Variants in RNPEPL1 observed in about 807,000 individuals in gnomAD.
RNPEPL1 encodes the protein arginyl aminopeptidase like 1, also known as aminopeptidase RNPEPL1.
Under a neutral mutation model 69.0 loss-of-function variants are expected in RNPEPL1, and 46 were observed. That is an observed-to-expected ratio of 0.67 (90% CI 0.53 to 0.85). RNPEPL1 has a LOEUF of 0.85. RNPEPL1 is among the 40% of genes least tolerant of loss of function. The probability of loss-of-function intolerance (pLI) is 0.00; values close to 1 mark genes in which losing one functional copy is unlikely to be tolerated. For synonymous variants in RNPEPL1, 525 were observed against 454.1 expected, an observed-to-expected ratio of 1.16 and a Z score of -1.98; for missense variants, 869 against 992.5, an observed-to-expected ratio of 0.88 and a Z score of 1.67.
chr2:240,568,626 G>C lies in RNPEPL1; in HGVS notation c.40G>C (p.Glu14Gln). ...CTGCTGCCGCCAGGCGCCCGGCGCC[G>C]AGGCCGCGCCCGTCCGCCCGCCGCC... ...QCCCRQAPGA[E>Q]AAPVRPPPEP... The change falls in exon 1 of 11, where the codon GAG becomes CAG. Residue 14 changes from glutamate to glutamine, a missense_variant. By Grantham distance (29) the Glu-to-Gln change is conservative. Around this residue, in one of 2 missense-constraint regions of RNPEPL1, gnomAD observed 259 missense variants for 201.5 expected, o/e 1.29. Transcript: ENST00000270357. The surrounding 1 kb of genome is among the most constrained non-coding windows in gnomAD (Gnocchi z 6.2). 1 of 996,134 alleles carries C rather than the reference G, an allele frequency of 1.0e-6. No individual in the cohort carries two copies. The allele number at this position is 996,134 out of a possible 1,614,324, so 61.7% of individuals were successfully genotyped here.
chr2:240,573,670 G>C, intron 3 of RNPEPL1, 105 bp from the exon 4 acceptor site: 2 of 974,158 alleles, frequency 2.1e-6, no homozygotes, highest in Non-Finnish European at 3.0e-6. Flanking sequence ...AGCCAGGCTG[G>C]GTGAGGTGTG....
At position 240,578,186 on chromosome 2, in the gene RNPEPL1, C is replaced by T. The variant is rs925342942; in HGVS notation, c.*294C>T. On this transcript the variant is annotated 3_prime_UTR_variant, in exon 11 of 11. Transcript: ENST00000270357. ...TGACAGCTGTGCCTAGCCCCGGATGCCAGCACCTGCCAGGTGCCGCCCCGG... is the reference window on the plus strand; with the variant it reads ...TGACAGCTGTGCCTAGCCCCGGATGTCAGCACCTGCCAGGTGCCGCCCCGG... 1 of 308,094 alleles carries T rather than the reference C, an allele frequency of 3.2e-6. No individual in the cohort carries two copies. The highest frequency in any genetic ancestry group is 5.1e-5 in the East Asian group (1 of 19,676). 19.1% of individuals were successfully genotyped at this position (308,094 alleles called of 1,614,324 possible). A position where few individuals can be genotyped will look rare whatever the true frequency, so the allele number is the denominator to read the frequency against.
At chr2:240,573,954 G>A (rs546575880) in intron 4 of RNPEPL1, 63 bp downstream of exon 4, 151 of 1,468,934 alleles carry the variant, frequency 1.0e-4, no homozygotes, top group Middle Eastern at 7.0e-4. Flanking sequence ...GGAGCCCCTC[G>A]TCTGACCCCT....
At chr2:240,573,063 G>C in intron 2 of RNPEPL1, 47 bp from the exon 3 acceptor site, 1 of 1,542,978 alleles carries the variant, frequency 6.5e-7, no homozygotes, top group South Asian at 1.2e-5. Context: ...GGGGCTATGG[G>C]TGTGCTGACG....
chr2:240,574,043 TG>T, intron 4 of RNPEPL1, 69 bp from the exon 5 acceptor site: 1 of 1,461,622 alleles, frequency 6.8e-7, no homozygotes, highest in Non-Finnish European at 9.4e-7. Context: ...GGGTGGAAGG[TG>T]GGGTGCGGGT....
chr2:240,572,716 A>G (rs1008126507), intron 2 of RNPEPL1, among the ~76,000 whole-genome samples, 153 bp downstream of exon 2: 3 of 152,078 alleles, frequency 2.0e-5, no homozygotes, highest in Non-Finnish European at 4.4e-5. Context: ...ACTCTATGGG[A>G]GGAGCCGCTT....
chr2:240,576,583 A>G lies in RNPEPL1; in HGVS notation c.1559A>G (p.Glu520Gly). ...WLNATGPPLAEPDLSQGSSLT... is the reference protein window; with the variant it reads ...WLNATGPPLAGPDLSQGSSLT... ...AATGCCACAGGCCCGCCGCTGGCTG[A>G]GCCGGACCTGTCTCAGGGATCCAGC... The change falls in exon 9 of 11, where the codon GAG becomes GGG. Residue 520 changes from glutamate (E) to glycine (G), a missense_variant. This residue lies in a region of RNPEPL1 where 610 missense variants were observed against 790.9 expected (regional missense o/e 0.77). Transcript: ENST00000270357. The G allele has an allele frequency of 6.2e-7, 1 of 1,612,940 alleles. No homozygotes were observed. The highest frequency in any genetic ancestry group is 8.5e-7 in the Non-Finnish European group (1 of 1,179,982).
rs1422850079 is a variant in RNPEPL1 at position 240,580,961 on chromosome 2, G to C, written c.*3069G>C. 6.6e-6 allele frequency: 1 copy of C among 152,236 alleles called. No individual in the cohort carries two copies. Among genetic ancestry groups the C allele is most frequent in the African/African-American group, 2.4e-5 (1 of 41,444 alleles). 9.4% of individuals were successfully genotyped at this position (152,236 alleles called of 1,614,324 possible). ...TTCTAAGTCCCTCAGGCCATGACAG[G>C]TTCAGTCCAGACTTGTCTCCCAGAG... On this transcript the variant is annotated 3_prime_UTR_variant, in exon 11 of 11. Coordinates refer to ENST00000270357, the MANE Select transcript of RNPEPL1 (RefSeq NM_018226.6).
rs1159369445 is a variant in RNPEPL1, at chr2:240,568,794, C to T, written c.208C>T (p.Pro70Ser). Residue 70 changes from proline (P) to serine (S), a missense_variant, in exon 1 of 11, where the codon CCC becomes TCC. By Grantham distance (74) the Pro-to-Ser change is moderately conservative. Transcript: ENST00000270357. This position sits in a 1 kb window ranked among gnomAD's most constrained non-coding sequence, Gnocchi z 6.2. ...GGTGCTCGAGCTGTGCGCGCTGCGG[C>T]CCGCGCCCCGCGCGCTCGTGCTCGA... ...CLVLELCALR[P>S]APRALVLDAH... is the part of the protein sequence containing the mutation. 5 of 1,081,182 alleles carry T rather than the reference C, an allele frequency of 4.6e-6. No individual in the cohort carries two copies. The African/African-American group carries it at 5.1e-5, about 11-fold the overall frequency. 67.0% of individuals were successfully genotyped at this position (1,081,182 alleles called of 1,614,324 possible). A position where few individuals can be genotyped will look rare whatever the true frequency, so the allele number is the denominator to read the frequency against.
At chr2:240,574,456 G>A in intron 5 of RNPEPL1, 59 bp from the exon 6 acceptor site, 1 of 1,551,710 alleles carries the variant, frequency 6.4e-7, no homozygotes, top group Non-Finnish European at 8.8e-7. Context: ...CACACCTCCT[G>A]CTTCCCCCGA....
intron 2 of RNPEPL1, 58 bp downstream of exon 2, chr2:240,572,621 C>G (rs151107712): frequency 2.0e-6 from 3 of 1,528,278 alleles, no homozygotes; most frequent in Non-Finnish European, 2.6e-6. Context: ...GGCCTGGCCA[C>G]GCCGCCTCCC....
In RNPEPL1 at chr2:240,573,886, G is replaced by A; in HGVS notation, c.933G>A (p.Trp311Ter). The change falls in exon 4 of 11, where the codon TGG becomes TGA. Residue 311 changes from tryptophan to a stop codon, truncating the protein, a stop_gained. Transcript: ENST00000270357. LOFTEE classifies it high-confidence loss of function. ...AGCGGCTGTATGGGCCCTACATGTGGGGCAGGTAGGCCCCGGGGACCTGTG... is the reference window on the plus strand; with the variant it reads ...AGCGGCTGTATGGGCCCTACATGTGAGGCAGGTAGGCCCCGGGGACCTGTG... ...AAERLYGPYM[W>*]GRYDIVFLPP... 6.3e-7 allele frequency: 1 copy of A among 1,578,344 alleles called. No individual in the cohort carries two copies.
Position 240,568,921 on chromosome 2 carries a change from G to GGCCCGC in RNPEPL1, c.339_344dup (p.Ala114_Pro115dup). ...TTCGCCTTCTCCGCCCCCGGGCCGG[G>GGCCCGC]GCCCGCGCCGCCGCCCCCGCTGCCC... On this transcript the variant is annotated inframe_insertion, in exon 1 of 11. Coordinates refer to ENST00000270357, the MANE Select transcript of RNPEPL1 (RefSeq NM_018226.6). The surrounding 1 kb of genome is among the most constrained non-coding windows in gnomAD (Gnocchi z 6.2). 1.5e-6 allele frequency: 2 copies of GGCCCGC among 1,307,412 alleles called. No homozygotes were observed. The highest frequency in any genetic ancestry group is 1.9e-6 in the Non-Finnish European group (2 of 1,033,916). 81.0% of individuals were successfully genotyped at this position (1,307,412 alleles called of 1,614,324 possible). A position where few individuals can be genotyped will look rare whatever the true frequency, so the allele number is the denominator to read the frequency against.
chr2:240,577,012 G>T, intron 10 of RNPEPL1, 22 bp downstream of exon 10: 1 of 1,611,812 alleles, frequency 6.2e-7, no homozygotes, highest in Non-Finnish European at 8.5e-7. Flanking sequence ...TGCCCAGGGG[G>T]CCAGCCTGGA....
At chr2:240,576,418 C>CCCTGGAACAGGCCACCTG in intron 8 of RNPEPL1, 117 bp from the exon 9 acceptor site, 1 of 954,934 alleles carries the variant, frequency 1.0e-6, no homozygotes, top group Non-Finnish European at 1.5e-6. Flanking sequence ...CAGCCCACGT[C>CCCTGGAACAGGCCACCTG]CCTGGAACAG....
At position 240,572,497 on chromosome 2, in the gene RNPEPL1, C is replaced by T. The variant is rs1475943691; in HGVS notation, c.603C>T (p.Cys201=). The T allele has an allele frequency of 1.3e-6, 2 of 1,536,316 alleles. No individual in the cohort carries two copies. Among genetic ancestry groups the T allele is most frequent in the Non-Finnish European group, 8.7e-7 (1 of 1,146,906 alleles). The change falls in exon 2 of 11, where the codon TGC becomes TGT. Residue 201 remains cysteine (C), a synonymous_variant. Transcript: ENST00000270357. The part of the protein sequence containing the change: ...PFVFTQGHSV[C]NRSFFPCFDT... ...TCTTCACCCAGGGCCACTCCGTGTG[C>T]AACCGCTCCTTCTTCCCGTGCTTCG...
At chr2:240,576,422 G>C (rs984319810) in intron 8 of RNPEPL1, 113 bp from the exon 9 acceptor site, 1 of 1,030,814 alleles carries the variant, frequency 9.7e-7, no homozygotes, top group African/African-American at 1.6e-5. Flanking sequence ...CCACGTCCCT[G>C]GAACAGGCCA....
chr2:240,568,508 G>T lies in RNPEPL1; in HGVS notation c.-79G>T. 3.5e-6 allele frequency: 2 copies of T among 571,422 alleles called. No homozygotes were observed. The highest frequency in any genetic ancestry group is 4.4e-6 in the Non-Finnish European group (2 of 455,372). 35.4% of individuals were successfully genotyped at this position (571,422 alleles called of 1,614,324 possible). A position where few individuals can be genotyped will look rare whatever the true frequency, so the allele number is the denominator to read the frequency against. Reference sequence around the variant, plus strand: ...CGACTTCCTGTTGTGCCCGCGCCCCGCCGCCGCCGCCGCCCGGCGCCCCTC... The same window carrying T: ...CGACTTCCTGTTGTGCCCGCGCCCCTCCGCCGCCGCCGCCCGGCGCCCCTC... On this transcript the variant is annotated 5_prime_UTR_variant, in exon 1 of 11. Transcript: ENST00000270357. The surrounding 1 kb of genome is among the most constrained non-coding windows in gnomAD (Gnocchi z 6.2).
intron 1 of RNPEPL1, among the ~76,000 whole-genome samples, chr2:240,571,331 A>C (rs2093020821): frequency 6.6e-6 from 1 of 152,098 alleles, no homozygotes; most frequent in East Asian, 1.9e-4. Flanking sequence ...TGTGGATTCC[A>C]CTTGTCCAGT....
Sources: gnomAD v4.1 joint callset for allele counts (sites outside exome capture counted in the v4.1 genomes callset) on GRCh38, gnomAD v4.1.1 for gene constraint, gnomAD v4.1.1 regional missense constraint, Gnocchi (gnomAD v3.1) non-coding constraint, MANE v1.5 for transcripts, NCBI Gene and HGNC (gene_info 2026-07-23, HGNC 2026-07-21) for gene names.